The following SLC4A8 variants were observed in gnomAD, a reference collection of about 807,000 sequenced individuals.
SLC4A8 encodes the protein solute carrier family 4 member 8.
Under a neutral mutation model 125.0 loss-of-function variants are expected in SLC4A8, and 40 were observed. That is an observed-to-expected ratio of 0.32 (90% CI 0.25 to 0.42). The LOEUF (loss-of-function observed/expected upper bound fraction) is 0.42. Ranked by LOEUF, SLC4A8 falls within the 10% of genes least tolerant of loss-of-function variation. The pLI, the probability that SLC4A8 is intolerant of heterozygous loss-of-function variation, is 1.00. For missense variants in SLC4A8, 863 were observed against 1,355.1 expected (o/e 0.64, Z 5.70); for synonymous variants, 456 against 476.0 (o/e 0.96, Z 0.55).
At chr12:51,482,580 G>C (rs377348140) in intron 16 of SLC4A8, among the ~76,000 whole-genome samples, 2 of 152,064 alleles carry the variant, frequency 1.3e-5, no homozygotes. Flanking sequence ...GAGTTTCACC[G>C]TGTTGGCCAG....
At position 51,437,084 on chromosome 12, in the gene SLC4A8, A is replaced by G. The variant is rs191293811; in HGVS notation, c.49-3624A>G. On this transcript the variant is annotated intron_variant, in intron 1 of 24. Transcript: ENST00000453097. ...TAATAATATATAATTTTAAATGTCT[A>G]TAAAGCTAATTTAATACATAAAAAT... is the stretch of plus-strand genomic sequence containing the variant. Among the ~76,000 whole-genome samples, 10 of 152,342 alleles carry G rather than the reference A, an allele frequency of 6.6e-5. No homozygotes were observed. The East Asian group carries it at 1.5e-3, about 23-fold the overall frequency.
In SLC4A8 at chr12:51,481,341, C is replaced by T. The variant is rs539850599; in HGVS notation, c.2173-4446C>T. ...TCCATGAGCAACTTTGCTACCATCCCCCTCAAAAACAAATCTATTTAAAAC... is the reference window on the plus strand; with the variant it reads ...TCCATGAGCAACTTTGCTACCATCCTCCTCAAAAACAAATCTATTTAAAAC... On this transcript the variant is annotated intron_variant, in intron 16 of 24. Coordinates refer to ENST00000453097, the MANE Select transcript of SLC4A8 (RefSeq NM_001039960.3). Among the ~76,000 whole-genome samples the T allele has an allele frequency of 7.2e-5, 11 of 152,244 alleles. No homozygotes were observed. The South Asian group carries it at 1.9e-3, about 26-fold the overall frequency.
At chr12:51,415,763 G>C (rs1473648936) in intron 1 of SLC4A8, among the ~76,000 whole-genome samples, 1 of 149,852 alleles carries the variant, frequency 6.7e-6, no homozygotes, top group East Asian at 1.9e-4. Flanking sequence ...GACTCCAAAA[G>C]GGGAGAGAGT....
chr12:51,424,752 C>T (rs1210812789), upstream of SLC4A8: 1 of 485,306 alleles, frequency 2.1e-6, no homozygotes, highest in East Asian at 3.6e-5. Flanking sequence ...CCCAGGGTAC[C>T]GCCGGACAGC....
intron 12 of SLC4A8, 43 bp downstream of exon 12, chr12:51,469,831 A>C: frequency 6.3e-7 from 1 of 1,593,424 alleles, no homozygotes; most frequent in Non-Finnish European, 8.6e-7. Flanking sequence ...AACAAGACCT[A>C]AAATATTGTG....
At chr12:51,395,051 A>G (rs940926159) in intron 1 of SLC4A8, among the ~76,000 whole-genome samples, 1 of 148,408 alleles carries the variant, frequency 6.7e-6, no homozygotes, top group Non-Finnish European at 1.5e-5. Flanking sequence ...ATAAAAAAAA[A>G]ACGGGTTTCT....
intron 24 of SLC4A8, 42 bp from the exon 25 acceptor site, chr12:51,507,384 T>C (rs374701485): frequency 2.7e-5 from 35 of 1,290,406 alleles, no homozygotes; most frequent in Non-Finnish European, 3.5e-5. Flanking sequence ...GAGGAATGAA[T>C]CATATGTTCC....
chr12:51,418,974 A>G (rs1565758915), intron 1 of SLC4A8, among the ~76,000 whole-genome samples: 2 of 152,210 alleles, frequency 1.3e-5, no homozygotes, highest in Non-Finnish European at 2.9e-5. Context: ...GGAAAGGCTA[A>G]ACAGAGGAGA....
intron 19 of SLC4A8, 142 bp from the exon 20 acceptor site, chr12:51,493,562 A>G (rs950463062): frequency 1.5e-4 from 97 of 633,874 alleles, no homozygotes; most frequent in Non-Finnish European, 8.4e-5. Flanking sequence ...TAAGTCACCC[A>G]CAGGCAGCAG....
intron 1 of SLC4A8, among the ~76,000 whole-genome samples, chr12:51,416,083 C>T (rs1177533879): frequency 6.6e-6 from 1 of 151,528 alleles, no homozygotes; most frequent in Non-Finnish European, 1.5e-5. Context: ...TCTGAGTTAC[C>T]TTGCTTTAGC....
intron 1 of SLC4A8, among the ~76,000 whole-genome samples, chr12:51,418,184 T>A (rs1053471855): frequency 1.3e-5 from 2 of 152,112 alleles, no homozygotes; most frequent in Admixed American, 1.3e-4. Flanking sequence ...GCATTTGGAA[T>A]GAAGAGTGAA....
intron 1 of SLC4A8, among the ~76,000 whole-genome samples, chr12:51,415,340 T>C (rs1306845275): frequency 2.6e-5 from 4 of 152,234 alleles, no homozygotes; most frequent in African/African-American, 9.6e-5. Flanking sequence ...AAGTGTTTGA[T>C]AGAATTCAGC....
chr12:51,489,632 T>C, intron 18 of SLC4A8, 68 bp from the exon 19 acceptor site: 1 of 1,588,988 alleles, frequency 6.3e-7, no homozygotes, highest in Non-Finnish European at 8.6e-7. Flanking sequence ...CTGAGACCCG[T>C]AGCTCACTGT....
intron 2 of SLC4A8, among the ~76,000 whole-genome samples, chr12:51,449,078 A>G (rs1454146039): frequency 6.6e-6 from 1 of 152,202 alleles, no homozygotes; most frequent in Non-Finnish European, 1.5e-5. Flanking sequence ...TAACATACCC[A>G]GCTTGGCAGA....
chr12:51,482,539 C>G (rs1207464123), intron 16 of SLC4A8, among the ~76,000 whole-genome samples: 1 of 152,100 alleles, frequency 6.6e-6, no homozygotes, highest in Non-Finnish European at 1.5e-5. Flanking sequence ...ACCACCATGT[C>G]TAGCTAATTT....
chr12:51,420,294 A>C (rs1948760345), upstream of SLC4A8: 1 of 152,232 alleles, frequency 6.6e-6, no homozygotes, highest in Non-Finnish European at 1.5e-5. Flanking sequence ...GTAAAGCCTA[A>C]GACCCCGGCC....
chr12:51,427,423 G>GA (rs1258605285), intron 1 of SLC4A8, among the ~76,000 whole-genome samples: 1 of 152,144 alleles, frequency 6.6e-6, no homozygotes, highest in Non-Finnish European at 1.5e-5. Context: ...GAGTAGGATA[G>GA]AAAATATCTC....
At chr12:51,393,955 G>T (rs1439868291) in intron 1 of SLC4A8, among the ~76,000 whole-genome samples, 2 of 152,230 alleles carry the variant, frequency 1.3e-5, no homozygotes, top group African/African-American at 4.8e-5. Flanking sequence ...ACTTCCTGTG[G>T]AAGATTGTGG....
At chr12:51,447,094 A>C (rs1253997253) in intron 2 of SLC4A8, among the ~76,000 whole-genome samples, 1 of 75,056 alleles carries the variant, frequency 1.3e-5, no homozygotes, top group Non-Finnish European at 3.2e-5. Context: ...ATCTATCTAG[A>C]GATAGGGTCT....
Sources: allele counts gnomAD v4.1 joint callset (sites outside exome capture counted in the v4.1 genomes callset), GRCh38; gene constraint gnomAD v4.1.1; transcripts MANE v1.5; gene names NCBI Gene and HGNC (gene_info 2026-07-23, HGNC 2026-07-21).